The following HTR2C variants were observed in gnomAD, a reference collection of about 807,000 sequenced individuals.
HTR2C encodes the protein 5-hydroxytryptamine receptor 2C, also known as 5-hydroxytryptamine (serotonin) receptor 2C, G protein-coupled.
In HTR2C, 5 loss-of-function variants were observed where a neutral mutation model predicts 21.0. The ratio of observed to expected loss-of-function variants is 0.24; its 90% CI spans 0.12 to 0.50. The LOEUF (loss-of-function observed/expected upper bound fraction) is 0.50. HTR2C is among the 20% of genes least tolerant of loss of function. The pLI is 0.98. For missense variants in HTR2C, 271 were observed against 371.2 expected, an observed-to-expected ratio of 0.73 and a Z score of 2.22; for synonymous variants, 150 against 145.3, an observed-to-expected ratio of 1.03 and a Z score of -0.23.
intron 2 of HTR2C, among the ~76,000 whole-genome samples, chrX:114,719,135 G>T (rs2147328949): frequency 9.3e-6 from 1 of 106,965 alleles, no homozygotes; most frequent in South Asian, 3.9e-4. Context: ...TTAAAAATTA[G>T]TCAATTATTC....
chrX:114,804,632 A>T (rs2070384091), intron 4 of HTR2C, among the ~76,000 whole-genome samples: 1 of 112,106 alleles, frequency 8.9e-6, no homozygotes, highest in Admixed American at 9.5e-5. Context: ...AGACTGTAGA[A>T]TGCTGAACAA....
At chrX:114,784,651 G>T (rs782630580) in intron 4 of HTR2C, among the ~76,000 whole-genome samples, 11 of 103,688 alleles carry the variant, frequency 1.1e-4, no homozygotes, top group Admixed American at 6.4e-4. Flanking sequence ...TTTTTTTCTC[G>T]CTCTGTCGCC....
intron 5 of HTR2C, among the ~76,000 whole-genome samples, chrX:114,883,413 C>G (rs2071197265): frequency 9.1e-6 from 1 of 110,267 alleles, no homozygotes; most frequent in South Asian, 3.7e-4. Flanking sequence ...TTAATATTCT[C>G]TATTTCATTA....
intron 4 of HTR2C, among the ~76,000 whole-genome samples, chrX:114,804,431 C>A (rs1170524665): frequency 4.5e-5 from 5 of 111,676 alleles, no homozygotes; most frequent in Admixed American, 1.9e-4. Flanking sequence ...GCTAAAATTG[C>A]ATATGATTAC....
intron 4 of HTR2C, among the ~76,000 whole-genome samples, chrX:114,777,705 G>A (rs1248002162): frequency 2.7e-5 from 3 of 111,047 alleles, no homozygotes; most frequent in East Asian, 2.8e-4. Flanking sequence ...TTACAGGCAC[G>A]CACCACCACA....
At chrX:114,625,510 C>T (rs1261587046) in intron 2 of HTR2C, among the ~76,000 whole-genome samples, 1 of 111,014 alleles carries the variant, frequency 9.0e-6, no homozygotes, top group Non-Finnish European at 1.9e-5. Context: ...GTGATCTTTG[C>T]ACATGCCAGC....
intron 4 of HTR2C, chrX:114,774,947 T>G: frequency 1.9e-6 from 1 of 528,247 alleles, no homozygotes; most frequent in South Asian, 2.5e-5. Context: ...TACCGCTTGC[T>G]AATGATGAGA....
At chrX:114,644,159 A>G (rs1930243327) in intron 2 of HTR2C, among the ~76,000 whole-genome samples, 1 of 106,206 alleles carries the variant, frequency 9.4e-6, no homozygotes, top group East Asian at 3.0e-4. Flanking sequence ...CCTGGCCAAC[A>G]TGGTGAAACC....
intron 3 of HTR2C, among the ~76,000 whole-genome samples, 156 bp from the exon 4 acceptor site, chrX:114,731,138 T>C (rs932948728): frequency 8.9e-5 from 10 of 111,944 alleles, no homozygotes; most frequent in Non-Finnish European, 1.9e-4. Context: ...AATACTGAGA[T>C]TAATTAAGAG....
intron 4 of HTR2C, among the ~76,000 whole-genome samples, chrX:114,788,322 G>A (rs1035703527): frequency 1.8e-5 from 2 of 110,511 alleles, no homozygotes; most frequent in Non-Finnish European, 3.8e-5. Context: ...GTGCAATGGC[G>A]CCTTCTCGAC....
At chrX:114,637,302 A>AAATCAGTCTTTGTTTTATTCTGC (rs1929878605) in intron 2 of HTR2C, among the ~76,000 whole-genome samples, 2 of 111,564 alleles carry the variant, frequency 1.8e-5, no homozygotes, top group Admixed American at 9.6e-5. Flanking sequence ...TGAGAAATAT[A>AAATCAGTCTTTGTTTTATTCTGC]AATCAGTCTT....
intron 1 of HTR2C, among the ~76,000 whole-genome samples, chrX:114,607,186 A>G (rs903474446): frequency 8.9e-6 from 1 of 111,954 alleles, no homozygotes; most frequent in Non-Finnish European, 1.9e-5. Flanking sequence ...CCATCTGGGC[A>G]TATACGTGCA....
chrX:114,751,972 A>T (rs1170137423), intron 4 of HTR2C, among the ~76,000 whole-genome samples: 1 of 111,950 alleles, frequency 8.9e-6, no homozygotes, highest in East Asian at 2.8e-4. Flanking sequence ...ACAACTATAA[A>T]ACGGAACTAA....
chrX:114,724,599 T>G (rs1346731308), intron 2 of HTR2C, among the ~76,000 whole-genome samples: 1 of 90,505 alleles, frequency 1.1e-5, no homozygotes, highest in Non-Finnish European at 2.2e-5. Flanking sequence ...TGATGCAGTT[T>G]CTTCCTAGTC....
At chrX:114,718,990 AATATAAT>A (rs1933090489) in intron 2 of HTR2C, among the ~76,000 whole-genome samples, 3 of 10,423 alleles carry the variant, frequency 2.9e-4, no homozygotes, top group Non-Finnish European at 8.2e-4. Context: ...ATAATATAAT[AATATAAT>A]ATATAATAAT....
At chrX:114,831,255 T>A (rs1490793618) in intron 4 of HTR2C, among the ~76,000 whole-genome samples, 1 of 80,039 alleles carries the variant, frequency 1.2e-5, no homozygotes, top group African/African-American at 4.2e-5. Context: ...TAGTTCTAGA[T>A]CCCTGAGGAA....
At chrX:114,696,944 C>A (rs1446737016) in intron 2 of HTR2C, among the ~76,000 whole-genome samples, 1 of 111,222 alleles carries the variant, frequency 9.0e-6, no homozygotes, top group Non-Finnish European at 1.9e-5. Context: ...TCCTGCCAGT[C>A]CTTTGAACAG....
chrX:114,785,115 T>C (rs934358388), intron 4 of HTR2C, among the ~76,000 whole-genome samples: 10 of 112,220 alleles, frequency 8.9e-5, no homozygotes, highest in African/African-American at 2.9e-4. Flanking sequence ...AAAATGTTAA[T>C]GCTTTTATAA....
rs1191664063 is a variant in HTR2C at position 114,876,423 on chromosome X, T to TTTC, written c.550+28222_550+28223insCTT. ...TTCTTTCTTTCTTTCTTTTTCTTTC[T>TTTC]TTTTTTTTTTTTTTTTGCCTGCTTA... On this transcript the variant is annotated intron_variant, in intron 5 of 5. Transcript: ENST00000276198. Among the ~76,000 whole-genome samples, 84 of 6,243 alleles carry TTTC rather than the reference T, an allele frequency of 0.013. 1 individual carries two copies. In the East Asian group the frequency reaches 0.46, roughly 34 times the overall value. 5.4% of individuals were successfully genotyped at this position (6,243 alleles called of 115,157 possible).
Sources: allele counts gnomAD v4.1 joint callset (sites outside exome capture counted in the v4.1 genomes callset), GRCh38; gene constraint gnomAD v4.1.1; transcripts MANE v1.5; gene names NCBI Gene and HGNC (gene_info 2026-07-23, HGNC 2026-07-21).